Variants in DACT3 observed in about 807,000 individuals in gnomAD.
DACT3 encodes the protein dapper homolog 3.
DACT3 carries 5 observed loss-of-function variants against 19.6 expected under a neutral mutation model. That is an observed-to-expected ratio of 0.26 (90% CI 0.13 to 0.54). DACT3 has a LOEUF of 0.54. Among genes scored for constraint, DACT3 ranks in the 20% least tolerant of loss-of-function variants. DACT3 has a pLI of 0.95. For missense variants in DACT3, 908 were observed against 927.4 expected (o/e 0.98, Z 0.27); for synonymous variants, 454 against 428.1 (o/e 1.06, Z -0.75).
Position 46,648,332 on chromosome 19 carries a change from C to CATTAAAAA in DACT3, c.*149_*150insTTTTTAAT. 23 of 1,372,836 alleles carry CATTAAAAA rather than the reference C, an allele frequency of 1.7e-5. No individual in the cohort carries two copies. The highest frequency in any genetic ancestry group is 2.8e-5 in the South Asian group (2 of 71,644). 85.0% of individuals were successfully genotyped at this position (1,372,836 alleles called of 1,614,324 possible). On this transcript the variant is annotated 3_prime_UTR_variant, in exon 4 of 4. Transcript: ENST00000391916. This position sits in a 1 kb window ranked among gnomAD's most constrained non-coding sequence, Gnocchi z 5.1. ...CTCGGTGGTGGTGGGGGAGCCTTTTCAACCAAGACTGTTAGGAGTGGGGAG... is the reference window on the plus strand; with the variant it reads ...CTCGGTGGTGGTGGGGGAGCCTTTTCATTAAAAAAACCAAGACTGTTAGGAGTGGGGAG...
Position 46,649,862 on chromosome 19 carries a change from A to G in DACT3, c.510T>C (p.Ser170=), listed in dbSNP as rs776688073. ...CGCCCACCACCTCCGGAGCGCTGGG[A>G]CTGGCGTCTCCTAGGGAAGGAAGGC... The part of the protein sequence containing the change: ...SERPKSLGDA[S]PSAPEVVGAR... The change falls in exon 4 of 4, where the codon AGT becomes AGC. Residue 170 remains serine, a synonymous_variant. Transcript: ENST00000391916. 29 of 1,397,586 alleles carry G rather than the reference A, an allele frequency of 2.1e-5. No homozygotes were observed. In the East Asian group the frequency reaches 8.0e-4, roughly 39 times the overall value. 86.6% of individuals were successfully genotyped at this position (1,397,586 alleles called of 1,614,324 possible). A position where few individuals can be genotyped will look rare whatever the true frequency, so the allele number is the denominator to read the frequency against.
At chr19:46,655,070 C>T (rs550062025) in intron 1 of DACT3, 56 of 985,344 alleles carry the variant, frequency 5.7e-5, no homozygotes, top group African/African-American at 1.7e-4. Flanking sequence ...CCCCATGTCA[C>T]GTCCGTCACA....
In DACT3 at chr19:46,648,238, GA is replaced by G. The variant is rs1464745042; in HGVS notation, c.*243del. The G allele has an allele frequency of 5.1e-6, 3 of 590,606 alleles. No homozygotes were observed. Among genetic ancestry groups the G allele is most frequent in the Admixed American group, 6.2e-5 (2 of 32,146 alleles). The allele number at this position is 590,606 out of a possible 1,614,324, so 36.6% of individuals were successfully genotyped here. A position where few individuals can be genotyped will look rare whatever the true frequency, so the allele number is the denominator to read the frequency against. ...GAGGAAAGTGACGCCCAGAGAAGGGGAACTGTCTTGCCCAAGGGCTTCCAAG... is the reference window on the plus strand; with the variant it reads ...GAGGAAAGTGACGCCCAGAGAAGGGGACTGTCTTGCCCAAGGGCTTCCAAG... On this transcript the variant is annotated 3_prime_UTR_variant, in exon 4 of 4. Transcript: ENST00000391916. This position sits in a 1 kb window ranked among gnomAD's most constrained non-coding sequence, Gnocchi z 5.1.
intron 1 of DACT3, among the ~76,000 whole-genome samples, chr19:46,659,933 C>A (rs1295618501): frequency 6.6e-6 from 1 of 152,072 alleles, no homozygotes; most frequent in African/African-American, 2.4e-5. Context: ...GACAGAGAGA[C>A]AGGATGAAGA....
chr19:46,649,901 AAAAG>A lies in DACT3; in HGVS notation c.500-33_500-30del, dbSNP rs1281374785. ...GGGAAGGAAGGCCAAAAAAAAAAAA[AAAAG>A]AGAGAGTGGAGGGGCTCTCAAAGTC... On this transcript the variant is annotated intron_variant, in intron 3 of 3. Coordinates refer to ENST00000391916, the MANE Select transcript of DACT3 (RefSeq NM_145056.3). The A allele has an allele frequency of 1.3e-5, 18 of 1,355,958 alleles. No individual in the cohort carries two copies. The South Asian group carries it at 2.2e-4, about 16-fold the overall frequency. The allele number at this position is 1,355,958 out of a possible 1,614,324, so 84.0% of individuals were successfully genotyped here. A position where few individuals can be genotyped will look rare whatever the true frequency, so the allele number is the denominator to read the frequency against.
Position 46,653,082 on chromosome 19 carries a change from G to A in DACT3, c.250-7C>T, listed in dbSNP as rs1351979593. The A allele has an allele frequency of 6.4e-7, 1 of 1,550,932 alleles. No homozygotes were observed. On this transcript the variant is annotated splice_region_variant and splice_polypyrimidine_tract_variant and intron_variant, in intron 1 of 3. Coordinates refer to ENST00000391916, the MANE Select transcript of DACT3 (RefSeq NM_145056.3). ...CGAGACCAGGCAGGGCCTCCTGAAG[G>A]CATAGGGAGAGAAGGATGGTCAGAA... is the stretch of plus-strand genomic sequence containing the variant.
At position 46,660,035 on chromosome 19, in the gene DACT3, T is replaced by C. The variant is rs925513307; in HGVS notation, c.249+781A>G. ...AGATCGGGAGACTCAAGGAATGACA[T>C]AGAAAGGGGAGAGGCATGGGGCGTC... On this transcript the variant is annotated intron_variant, in intron 1 of 3. Transcript: ENST00000391916. The surrounding 1 kb of genome is among the most constrained non-coding windows in gnomAD (Gnocchi z 4.9). Among the ~76,000 whole-genome samples the C allele has an allele frequency of 1.3e-5, 2 of 151,718 alleles. No homozygotes were observed. The highest frequency in any genetic ancestry group is 2.4e-5 in the African/African-American group (1 of 41,260).
rs375074031 is a variant in DACT3 at position 46,649,888 on chromosome 19, CAAA to C, written c.500-19_500-17del. ...CTGGCGTCTCCTAGGGAAGGAAGGC[CAAA>C]AAAAAAAAAAAAAGAGAGAGTGGAG... is the stretch of plus-strand genomic sequence containing the variant. On this transcript the variant is annotated splice_polypyrimidine_tract_variant and intron_variant, in intron 3 of 3. Coordinates refer to ENST00000391916, the MANE Select transcript of DACT3 (RefSeq NM_145056.3). 9.4e-3 allele frequency: 11,501 copies of C among 1,224,992 alleles called. No homozygotes were observed. Among genetic ancestry groups the C allele is most frequent in the South Asian group, 0.039 (1,883 of 48,400 alleles). The allele number at this position is 1,224,992 out of a possible 1,614,324, so 75.9% of individuals were successfully genotyped here. A position where few individuals can be genotyped will look rare whatever the true frequency, so the allele number is the denominator to read the frequency against.
In DACT3 at chr19:46,660,033, C is replaced by T. The variant is rs2053063311; in HGVS notation, c.249+783G>A. Reference sequence around the variant, plus strand: ...CGAGATCGGGAGACTCAAGGAATGACATAGAAAGGGGAGAGGCATGGGGCG... The same window carrying T: ...CGAGATCGGGAGACTCAAGGAATGATATAGAAAGGGGAGAGGCATGGGGCG... On this transcript the variant is annotated intron_variant, in intron 1 of 3. Coordinates refer to ENST00000391916, the MANE Select transcript of DACT3 (RefSeq NM_145056.3). This position sits in a 1 kb window ranked among gnomAD's most constrained non-coding sequence, Gnocchi z 4.9. Among the ~76,000 whole-genome samples, 1 of 152,066 alleles carries T rather than the reference C, an allele frequency of 6.6e-6. No individual in the cohort carries two copies. Among genetic ancestry groups the T allele is most frequent in the Non-Finnish European group, 1.5e-5 (1 of 67,992 alleles).
At position 46,648,867 on chromosome 19, in the gene DACT3, G is replaced by C; in HGVS notation, c.1505C>G (p.Pro502Arg). 2.8e-6 allele frequency: 4 copies of C among 1,421,176 alleles called. No individual in the cohort carries two copies. The highest frequency in any genetic ancestry group is 3.6e-6 in the Non-Finnish European group (4 of 1,099,032). The allele number at this position is 1,421,176 out of a possible 1,614,324, so 88.0% of individuals were successfully genotyped here. ...PRAPAARVPG[P>R]GPSPSAPQRR... ...CTGGGGAGCTGACGGGGACGGGCCG[G>C]GGCCGGGAACACGCGCCGCAGGGGC... The change falls in exon 4 of 4, where the codon CCC (proline) becomes CGC (arginine). Residue 502 changes from proline to arginine, a missense_variant. By Grantham distance (103) the Pro-to-Arg change is moderately radical (BLOSUM62 -2). This residue lies in a region of DACT3 where 656 missense variants were observed against 601.8 expected (regional missense o/e 1.09). Coordinates refer to ENST00000391916, the MANE Select transcript of DACT3 (RefSeq NM_145056.3). This position sits in a 1 kb window ranked among gnomAD's most constrained non-coding sequence, Gnocchi z 5.1.
At position 46,652,701 on chromosome 19, in the gene DACT3, T is replaced by C; in HGVS notation, c.458A>G (p.Glu153Gly). The change falls in exon 3 of 4, where the codon GAG becomes GGG. Residue 153 changes from glutamate to glycine, a missense_variant. Physicochemically the swap from Glu to Gly is moderately conservative, Grantham distance 98. Coordinates refer to ENST00000391916, the MANE Select transcript of DACT3 (RefSeq NM_145056.3). ...CTCACTGGCATAGATGCCCCGGGGC[T>C]CAGAGGGACCCAGGCGACCATAGGA... ...SSSYGRLGPS[E>G]PRGIYASERP... 4 of 1,551,410 alleles carry C rather than the reference T, an allele frequency of 2.6e-6. No homozygotes were observed. In the African/African-American group the frequency reaches 5.5e-5, roughly 21 times the overall value.
chr19:46,657,124 G>T (rs896865613), intron 1 of DACT3, among the ~76,000 whole-genome samples: 13 of 152,156 alleles, frequency 8.5e-5, no homozygotes, highest in Admixed American at 8.5e-4. Flanking sequence ...TGACCTCAGG[G>T]GATAGGTTGG....
At chr19:46,651,812 G>C (rs1158967377) in intron 3 of DACT3, 1 of 151,634 alleles carries the variant, frequency 6.6e-6, no homozygotes, top group Non-Finnish European at 1.5e-5. Context: ...CAATCCTCCT[G>C]GCTCAGCCTC....
rs1466821556 is a variant in DACT3, at chr19:46,649,587, C to A, written c.785G>T (p.Arg262Leu). The A allele has an allele frequency of 9.1e-6, 10 of 1,096,860 alleles. No homozygotes were observed. Among genetic ancestry groups the A allele is most frequent in the Non-Finnish European group, 1.1e-5 (10 of 898,806 alleles). 67.9% of individuals were successfully genotyped at this position (1,096,860 alleles called of 1,614,324 possible). A position where few individuals can be genotyped will look rare whatever the true frequency, so the allele number is the denominator to read the frequency against. ...GGTCCGGGGCTGGCCCGCCCCCCGG[C>A]GGCGGCGCCTGCGCAGGAGCGCCGA... ...YISALLRRRR[R>L]RGAGQPRTSP... Residue 262 changes from arginine (R) to leucine (L), a missense_variant, in exon 4 of 4, where the codon CGC (arginine) becomes CTC (leucine). Around this residue, in one of 2 missense-constraint regions of DACT3, gnomAD observed 656 missense variants for 601.8 expected, o/e 1.09. Transcript: ENST00000391916.
chr19:46,649,404 G>C lies in DACT3; in HGVS notation c.968C>G (p.Ala323Gly). 7.8e-7 allele frequency: 1 copy of C among 1,287,440 alleles called. No individual in the cohort carries two copies. Among genetic ancestry groups the C allele is most frequent in the Non-Finnish European group, 9.9e-7 (1 of 1,007,714 alleles). The allele number at this position is 1,287,440 out of a possible 1,614,324, so 79.8% of individuals were successfully genotyped here. The change falls in exon 4 of 4, where the codon GCC becomes GGC. Residue 323 changes from alanine to glycine, a missense_variant. Coordinates refer to ENST00000391916, the MANE Select transcript of DACT3 (RefSeq NM_145056.3). ...HPTSPAALSR[A>G]WASSWESEAA... Reference sequence around the variant, plus strand: ...CTCCGACTCCCACGACGACGCCCAGGCGCGGCTCAAGGCGGCAGGGCTGGT... The same window carrying C: ...CTCCGACTCCCACGACGACGCCCAGCCGCGGCTCAAGGCGGCAGGGCTGGT...
At chr19:46,653,461 T>G (rs1370696894) in intron 1 of DACT3, among the ~76,000 whole-genome samples, 1 of 152,146 alleles carries the variant, frequency 6.6e-6, no homozygotes, top group Non-Finnish European at 1.5e-5. Flanking sequence ...GACAGTTTAC[T>G]GCTAAAAGGT....
intron 1 of DACT3, among the ~76,000 whole-genome samples, chr19:46,658,728 G>A (rs1480982157): frequency 6.6e-6 from 1 of 152,094 alleles, no homozygotes; most frequent in Non-Finnish European, 1.5e-5. Context: ...AGTGTGGTTA[G>A]GACCCCTGGA....
Position 46,660,775 on chromosome 19 carries a change from C to T in DACT3, c.249+41G>A. On this transcript the variant is annotated intron_variant, in intron 1 of 3. Transcript: ENST00000391916. This position sits in a 1 kb window ranked among gnomAD's most constrained non-coding sequence, Gnocchi z 4.9. ...AGCATCCAACCGAGACAGACAGACA[C>T]AGACGGGGGTGGAGGGACGGACGGA... is the stretch of plus-strand genomic sequence containing the variant. 2 of 1,444,880 alleles carry T rather than the reference C, an allele frequency of 1.4e-6. No homozygotes were observed. The highest frequency in any genetic ancestry group is 2.8e-5 in the South Asian group (2 of 71,146). 89.5% of individuals were successfully genotyped at this position (1,444,880 alleles called of 1,614,324 possible).
chr19:46,657,605 G>A (rs1490629037), intron 1 of DACT3, among the ~76,000 whole-genome samples: 1 of 151,232 alleles, frequency 6.6e-6, no homozygotes, highest in South Asian at 2.1e-4. Flanking sequence ...TGCCTGCCTC[G>A]GCCTCCCAAA....
Sources: gnomAD v4.1 joint callset for allele counts (sites outside exome capture counted in the v4.1 genomes callset) on GRCh38, gnomAD v4.1.1 for gene constraint, gnomAD v4.1.1 regional missense constraint, Gnocchi (gnomAD v3.1) non-coding constraint, MANE v1.5 for transcripts, NCBI Gene and HGNC (gene_info 2026-07-23, HGNC 2026-07-21) for gene names.